AGT: variants seen among roughly 807,000 people sequenced by gnomAD.
AGT encodes alpha-1 antiproteinase, antitrypsin.
In AGT, 26 loss-of-function variants were observed where a neutral mutation model predicts 28.1. The ratio of observed to expected loss-of-function variants is 0.92; its 90% CI spans 0.68 to 1.28. AGT has a LOEUF of 1.28. Ranked by LOEUF, AGT falls within the 50% of genes most tolerant of loss-of-function variation. The probability of loss-of-function intolerance (pLI) is 0.00; values close to 1 mark genes in which losing one functional copy is unlikely to be tolerated. For missense variants in AGT, 596 were observed against 592.3 expected, an observed-to-expected ratio of 1.01 and a Z score of -0.06; for synonymous variants, 259 against 259.6, an observed-to-expected ratio of 1.00 and a Z score of 0.02.
chr1:230,734,253 CTTGAAGACAT>C (rs1359978601), intron 1 of AGT, among the ~76,000 whole-genome samples: 1 of 152,074 alleles, frequency 6.6e-6, no homozygotes, highest in Non-Finnish European at 1.5e-5. Flanking sequence ...ATGGATGGAC[CTTGAAGACAT>C]TATGCTAAGT....
At chr1:230,731,262 T>C (rs573843517) in intron 1 of AGT, among the ~76,000 whole-genome samples, 134 of 152,300 alleles carry the variant, frequency 8.8e-4, no homozygotes, top group African/African-American at 3.0e-3. Context: ...TCCACACTGT[T>C]TACCTAGTGC....
intron 1 of AGT, among the ~76,000 whole-genome samples, chr1:230,727,673 G>T (rs1663969591): frequency 6.6e-6 from 1 of 152,186 alleles, no homozygotes; most frequent in African/African-American, 2.4e-5. Flanking sequence ...AAGGCACCAT[G>T]CCTAGAATGG....
chr1:230,725,016 A>G (rs900922153), intron 1 of AGT, among the ~76,000 whole-genome samples: 2 of 152,252 alleles, frequency 1.3e-5, no homozygotes, highest in African/African-American at 4.8e-5. Context: ...CAATTGATTA[A>G]TTAGCTCTTT....
In AGT at chr1:230,736,090, G is replaced by A. The variant is rs113636733; in HGVS notation, c.-31+9425C>T. On this transcript the variant is annotated intron_variant, in intron 1 of 4. Coordinates refer to the AGT transcript ENST00000681269. ...TGGTGCAGTTGAAAACACATAGGCTGATTAATAATACTCAGCTCCTAAAAT... is the reference window on the plus strand; with the variant it reads ...TGGTGCAGTTGAAAACACATAGGCTAATTAATAATACTCAGCTCCTAAAAT... Among the ~76,000 whole-genome samples the A allele has an allele frequency of 1.6e-3, 241 of 152,220 alleles. 2 individuals carry two copies. The highest frequency in any genetic ancestry group is 5.7e-3 in the African/African-American group (235 of 41,524).
intron 1 of AGT, among the ~76,000 whole-genome samples, chr1:230,712,403 ACCCC>A (rs1663619086): frequency 6.6e-6 from 1 of 151,682 alleles, no homozygotes; most frequent in South Asian, 2.1e-4. Context: ...CTACCATCTC[ACCCC>A]ACTCCCCATG....
intron 1 of AGT, among the ~76,000 whole-genome samples, chr1:230,734,766 G>A (rs1362563286): frequency 6.6e-6 from 1 of 152,010 alleles, no homozygotes; most frequent in Non-Finnish European, 1.5e-5. Context: ...CTGGAGTGCA[G>A]TGGTGCAATC....
Position 230,703,360 on chromosome 1 carries a change from G to A in AGT, c.1243-31C>T, listed in dbSNP as rs1663286441. On this transcript the variant is annotated intron_variant, in intron 4 of 4. Transcript: ENST00000366667. ...AAGCAGCAGACATCAGGATCATTCT[G>A]AGGGCGCACTGGGTGACCCAGGGTG... is the stretch of plus-strand genomic sequence containing the variant. 3 of 1,613,774 alleles carry A rather than the reference G, an allele frequency of 1.9e-6. No individual in the cohort carries two copies. In the African/African-American group the frequency reaches 4.0e-5, roughly 22 times the overall value.
At chr1:230,719,860 G>A (rs1299877764) in intron 1 of AGT, among the ~76,000 whole-genome samples, 1 of 152,070 alleles carries the variant, frequency 6.6e-6, no homozygotes, top group Non-Finnish European at 1.5e-5. Flanking sequence ...TATGAAAAAT[G>A]GTGTTATCAA....
At chr1:230,715,696 G>A (rs1045036905), upstream of AGT, among the ~76,000 whole-genome samples, 2 of 152,198 alleles carry the variant, frequency 1.3e-5, no homozygotes, top group Non-Finnish European at 2.9e-5. Context: ...TGGACACAAG[G>A]GGGAGGTAAG....
chr1:230,742,252 T>A (rs1571990809), intron 1 of AGT, among the ~76,000 whole-genome samples: 1 of 152,128 alleles, frequency 6.6e-6, no homozygotes, highest in South Asian at 2.1e-4. Flanking sequence ...AAATAAATAT[T>A]TTTTGCCTTC....
At chr1:230,703,401 C>T (rs1370704811) in intron 4 of AGT, 72 bp from the exon 5 acceptor site, 3 of 1,540,488 alleles carry the variant, frequency 1.9e-6, no homozygotes, top group South Asian at 1.1e-5. Flanking sequence ...GGCTAGAGGG[C>T]CGGGGTGGGC....
intron 3 of AGT, 49 bp from the exon 4 acceptor site, chr1:230,704,386 G>T (rs780329122): frequency 1.9e-6 from 3 of 1,605,908 alleles, no homozygotes; most frequent in Non-Finnish European, 1.7e-6. Flanking sequence ...CACAGTGAGG[G>T]CTCTCCCAGA....
At chr1:230,743,576 C>T (rs1184306584) in intron 1 of AGT, among the ~76,000 whole-genome samples, 1 of 152,252 alleles carries the variant, frequency 6.6e-6, no homozygotes, top group African/African-American at 2.4e-5. Flanking sequence ...CCCACCCCAT[C>T]CTCCACACTG....
intron 4 of AGT, 136 bp downstream of exon 4, chr1:230,704,057 A>G (rs1335245041): frequency 7.5e-7 from 1 of 1,338,796 alleles, no homozygotes; most frequent in Non-Finnish European, 1.1e-6. Flanking sequence ...CTTCTCTCCC[A>G]CCTTTGGCCC....
chr1:230,706,470 GT>G, intron 2 of AGT, among the ~76,000 whole-genome samples: 1 of 152,296 alleles, frequency 6.6e-6, no homozygotes, highest in African/African-American at 2.4e-5. Flanking sequence ...CAAACCGGGG[GT>G]TTTGCATCTG....
intron 1 of AGT, among the ~76,000 whole-genome samples, chr1:230,724,641 T>C (rs1046304800): frequency 3.3e-5 from 5 of 151,948 alleles, no homozygotes; most frequent in African/African-American, 1.2e-4. Flanking sequence ...TTCAGCAACA[T>C]GGCAAAACCC....
intron 1 of AGT, among the ~76,000 whole-genome samples, chr1:230,726,724 A>C (rs2148580): frequency 0.16 from 24,690 of 152,148 alleles, 2,646 homozygotes; most frequent in East Asian, 0.49. Context: ...AACTCAGAGA[A>C]GAGTCTTAAT....
intron 1 of AGT, among the ~76,000 whole-genome samples, chr1:230,730,508 T>C (rs1032772208): frequency 4.3e-4 from 66 of 152,192 alleles, no homozygotes; most frequent in African/African-American, 1.5e-3. Context: ...TTTCATGTAT[T>C]GGCTTCACGA....
At chr1:230,725,050 A>T (rs908849588) in intron 1 of AGT, among the ~76,000 whole-genome samples, 1 of 152,258 alleles carries the variant, frequency 6.6e-6, no homozygotes, top group Non-Finnish European at 1.5e-5. Context: ...AATGGAAAAG[A>T]ATCTATCCTG....
Sources: gnomAD v4.1 joint callset for allele counts (sites outside exome capture counted in the v4.1 genomes callset) on GRCh38, gnomAD v4.1.1 for gene constraint, MANE v1.5 for transcripts, NCBI Gene and HGNC (gene_info 2026-07-23, HGNC 2026-07-21) for gene names.